Variants in C15orf40 observed in about 807,000 individuals in gnomAD.
C15orf40 encodes UPF0235 protein C15orf40.
C15orf40 carries 9 observed loss-of-function variants against 13.9 expected under a neutral mutation model. That is an observed-to-expected ratio of 0.65 (90% CI 0.39 to 1.13). The LOEUF (loss-of-function observed/expected upper bound fraction) is 1.13. Among genes scored for constraint, C15orf40 ranks in the 50% most tolerant of loss-of-function variants. C15orf40 has a pLI of 0.01. For synonymous variants in C15orf40, 95 were observed against 69.2 expected, an observed-to-expected ratio of 1.37 and a Z score of -1.85; for missense variants, 225 against 188.5, an observed-to-expected ratio of 1.19 and a Z score of -1.13.
chr15:82,994,341 T>A (rs960418921), downstream of C15orf40, among the ~76,000 whole-genome samples: 2 of 143,118 alleles, frequency 1.4e-5, no homozygotes, highest in Admixed American at 7.3e-5. Context: ...TAATGTTTTT[T>A]AAAAATTTTA....
At chr15:82,992,042 C>A, downstream of C15orf40, 1 of 586,944 alleles carries the variant, frequency 1.7e-6, no homozygotes, top group Non-Finnish European at 2.8e-6. Context: ...GTAGCAAGAT[C>A]CTGTCTCTAC....
At chr15:82,990,784 A>G (rs1454301141), downstream of C15orf40, 2 of 737,284 alleles carry the variant, frequency 2.7e-6, no homozygotes, top group Non-Finnish European at 2.3e-6. Flanking sequence ...AAATTCACAC[A>G]TAAGAAAGTT....
chr15:83,007,682 G>C (rs2031763390), intron 3 of C15orf40, among the ~76,000 whole-genome samples: 1 of 152,066 alleles, frequency 6.6e-6, no homozygotes, highest in African/African-American at 2.4e-5. Flanking sequence ...GTTGAGGTCA[G>C]GAGTTCAAGA....
intron 1 of C15orf40, 118 bp downstream of exon 1, chr15:83,011,379 T>G (rs576535003): frequency 1.3e-5 from 16 of 1,206,060 alleles, no homozygotes; most frequent in Non-Finnish European, 1.8e-5. Context: ...GCCCCGGAAC[T>G]GAGAGACGGC....
Position 83,005,286 on chromosome 15 carries a change from TTTC to T in C15orf40, c.*308_*310del. ...AAGTTTCTCAAGGATGTATTTTTTA[TTTC>T]TTTTTTTTCGGGGGGAGAGAGTTTC... On this transcript the variant is annotated 3_prime_UTR_variant, in exon 4 of 4. Coordinates refer to ENST00000304177, the MANE Select transcript of C15orf40 (RefSeq NM_144597.3). 1 of 1,001,226 alleles carries T rather than the reference TTTC, an allele frequency of 1.0e-6. No homozygotes were observed. Among genetic ancestry groups the T allele is most frequent in the South Asian group, 3.7e-5 (1 of 26,938 alleles). The allele number at this position is 1,001,226 out of a possible 1,614,324, so 62.0% of individuals were successfully genotyped here. A position where few individuals can be genotyped will look rare whatever the true frequency, so the allele number is the denominator to read the frequency against.
At chr15:82,990,790 A>C, downstream of C15orf40, 1 of 700,902 alleles carries the variant, frequency 1.4e-6, no homozygotes, top group Non-Finnish European at 2.5e-6. Flanking sequence ...ACACATAAGA[A>C]AGTTTAACTC....
Position 83,000,532 on chromosome 15 carries a change from ACTAC to A in C15orf40, c.*5061_*5064del, listed in dbSNP as rs2031373761. The A allele has an allele frequency of 6.6e-6, 1 of 152,248 alleles. No individual in the cohort carries two copies. Among genetic ancestry groups the A allele is most frequent in the African/African-American group, 2.4e-5 (1 of 41,470 alleles). 9.4% of individuals were successfully genotyped at this position (152,248 alleles called of 1,614,324 possible). On this transcript the variant is annotated 3_prime_UTR_variant, in exon 4 of 4. Coordinates refer to ENST00000304177, the MANE Select transcript of C15orf40 (RefSeq NM_144597.3). ...GTGAGCCCGTAGTCAGGCACTGCAGACTACCTAATAGTGCTGTTCACTACAAAAG... is the reference window on the plus strand; with the variant it reads ...GTGAGCCCGTAGTCAGGCACTGCAGACTAATAGTGCTGTTCACTACAAAAG...
chr15:82,992,964 T>C (rs1431694189), downstream of C15orf40, among the ~76,000 whole-genome samples: 1 of 152,058 alleles, frequency 6.6e-6, no homozygotes, highest in African/African-American at 2.4e-5. Flanking sequence ...GAAAATAACA[T>C]GAAAAAAAGC....
downstream of C15orf40, chr15:82,992,065 A>G: frequency 2.1e-6 from 1 of 486,542 alleles, no homozygotes; most frequent in African/African-American, 2.0e-5. Context: ...AAAATTTTAA[A>G]ATTAGCTGGG....
chr15:83,009,993 TAA>T (rs2151292874), intron 2 of C15orf40, among the ~76,000 whole-genome samples: 1 of 152,354 alleles, frequency 6.6e-6, no homozygotes, highest in African/African-American at 2.4e-5. Flanking sequence ...CTGTCCTTTC[TAA>T]AATACTGTAT....
rs536089159 is a variant in C15orf40 at position 82,995,472 on chromosome 15, C to G, written c.*10125G>C. Reference sequence around the variant, plus strand: ...GGATGAAACAGGAGGAGCAGGTTAACGAAGAAGACAAGTCTTCAGTCAGAA... The same window carrying G: ...GGATGAAACAGGAGGAGCAGGTTAAGGAAGAAGACAAGTCTTCAGTCAGAA... On this transcript the variant is annotated 3_prime_UTR_variant, in exon 4 of 4. Transcript: ENST00000304177. 5.3e-5 allele frequency: 8 copies of G among 152,342 alleles called. No individual in the cohort carries two copies. Among genetic ancestry groups the G allele is most frequent in the African/African-American group, 9.7e-5 (4 of 41,450 alleles). The allele number at this position is 152,342 out of a possible 1,614,324, so 9.4% of individuals were successfully genotyped here. A position where few individuals can be genotyped will look rare whatever the true frequency, so the allele number is the denominator to read the frequency against.
At position 83,003,726 on chromosome 15, in the gene C15orf40, A is replaced by G. The variant is rs1197582617; in HGVS notation, c.*1871T>C. On this transcript the variant is annotated 3_prime_UTR_variant, in exon 4 of 4. Coordinates refer to ENST00000304177, the MANE Select transcript of C15orf40 (RefSeq NM_144597.3). ...AAGTTAAGAGTTGTACTAGACGAGT[A>G]GCTTCTCTTTCACTGTCTGGGATTT... is the stretch of plus-strand genomic sequence containing the variant. The G allele has an allele frequency of 1.3e-5, 2 of 152,230 alleles. No individual in the cohort carries two copies. Among genetic ancestry groups the G allele is most frequent in the Non-Finnish European group, 2.9e-5 (2 of 68,066 alleles). 9.4% of individuals were successfully genotyped at this position (152,230 alleles called of 1,614,324 possible). A position where few individuals can be genotyped will look rare whatever the true frequency, so the allele number is the denominator to read the frequency against.
chr15:82,992,074 G>A (rs764050722), downstream of C15orf40: 2 of 442,624 alleles, frequency 4.5e-6, no homozygotes, highest in Non-Finnish European at 8.6e-6. Context: ...AAATTAGCTG[G>A]GTGTGGTGGT....
chr15:82,990,756 T>TATGTTGTTAGC, downstream of C15orf40: 1 of 993,378 alleles, frequency 1.0e-6, no homozygotes, highest in Non-Finnish European at 1.5e-6. Flanking sequence ...AGCTTTTTGC[T>TATGTTGTTAGC]AACAACATAG....
Position 82,999,908 on chromosome 15 carries a change from G to C in C15orf40, c.*5689C>G, listed in dbSNP as rs2151280384. On this transcript the variant is annotated 3_prime_UTR_variant, in exon 4 of 4. Transcript: ENST00000304177. The stretch of plus-strand genomic sequence containing the variant: ...TAACTAAATTATGAGGATTGTCTGA[G>C]GAATGCCTATGTGGGTAGAAATAGG... The C allele has an allele frequency of 6.6e-6, 1 of 152,328 alleles. No individual in the cohort carries two copies. Among genetic ancestry groups the C allele is most frequent in the South Asian group, 2.1e-4 (1 of 4,830 alleles). 9.4% of individuals were successfully genotyped at this position (152,328 alleles called of 1,614,324 possible). A position where few individuals can be genotyped will look rare whatever the true frequency, so the allele number is the denominator to read the frequency against.
chr15:83,002,736 G>T lies in C15orf40; in HGVS notation c.*2861C>A, dbSNP rs1474853557. On this transcript the variant is annotated 3_prime_UTR_variant, in exon 4 of 4. Coordinates refer to ENST00000304177, the MANE Select transcript of C15orf40 (RefSeq NM_144597.3). Reference sequence around the variant, plus strand: ...AACCTGGTTGGCCTTTTGTCTACATGAAACAAGTGGGCCTGAGGATGAAAC... The same window carrying T: ...AACCTGGTTGGCCTTTTGTCTACATTAAACAAGTGGGCCTGAGGATGAAAC... 1 of 152,232 alleles carries T rather than the reference G, an allele frequency of 6.6e-6. No homozygotes were observed. The highest frequency in any genetic ancestry group is 1.9e-4 in the East Asian group (1 of 5,204). The allele number at this position is 152,232 out of a possible 1,614,324, so 9.4% of individuals were successfully genotyped here. A position where few individuals can be genotyped will look rare whatever the true frequency, so the allele number is the denominator to read the frequency against.
At chr15:82,989,235 T>C (rs775812051), downstream of C15orf40, 1 of 1,592,636 alleles carries the variant, frequency 6.3e-7, no homozygotes, top group Non-Finnish European at 8.6e-7. Flanking sequence ...TGGCAGAGGA[T>C]AGCTTTAATC....
chr15:83,007,506 A>G (rs2031752174), intron 3 of C15orf40, among the ~76,000 whole-genome samples: 1 of 152,272 alleles, frequency 6.6e-6, no homozygotes, highest in African/African-American at 2.4e-5. Flanking sequence ...TATGCAATTA[A>G]GTAAATATAA....
At chr15:82,989,113 G>A (rs150238339), downstream of C15orf40, 2,443 of 1,613,828 alleles carry the variant, frequency 1.5e-3, 5 homozygotes, top group Non-Finnish European at 1.6e-3. Context: ...TACCTGAAAC[G>A]CCCTCCTGAG....
Sources: allele counts gnomAD v4.1 joint callset (sites outside exome capture counted in the v4.1 genomes callset), GRCh38; gene constraint gnomAD v4.1.1; transcripts MANE v1.5; gene names NCBI Gene and HGNC (gene_info 2026-07-23, HGNC 2026-07-21).